ZNF516: variants seen among roughly 807,000 people sequenced by gnomAD.
ZNF516 encodes the protein zinc finger protein 516.
A neutral mutation model predicts 79.7 loss-of-function variants in ZNF516; 19 were observed. The observed-to-expected ratio is 0.24, with a 90% CI of 0.17 to 0.35. The LOEUF (loss-of-function observed/expected upper bound fraction) is 0.35, where lower values mean the gene tolerates loss of function less well. ZNF516 is among the 10% of genes least tolerant of loss of function. ZNF516 has a pLI of 1.00. For synonymous variants in ZNF516, 877 were observed against 739.5 expected (o/e 1.19, Z -3.02); for missense variants, 1,678 against 1,679.5 (o/e 1.00, Z 0.02).
chr18:76,389,170 T>C (rs2075033737), intron 3 of ZNF516: 1 of 151,622 alleles, frequency 6.6e-6, no homozygotes, highest in Non-Finnish European at 1.5e-5. Context: ...GCCTTGCAGG[T>C]GGCATCTGAG....
intron 3 of ZNF516, among the ~76,000 whole-genome samples, chr18:76,433,570 G>A (rs1179558912): frequency 1.3e-5 from 2 of 152,182 alleles, no homozygotes; most frequent in African/African-American, 4.8e-5. Flanking sequence ...AGGAGACATG[G>A]GAGCCTTGAG....
rs545922914 is a variant in ZNF516, at chr18:76,443,228, A to T, written c.-157-17T>A. On this transcript the variant is annotated splice_polypyrimidine_tract_variant and intron_variant, in intron 2 of 6. Coordinates refer to ENST00000443185, the MANE Select transcript of ZNF516 (RefSeq NM_014643.4). ...AGCCAGCACCTGAAACAGAGATGGA[A>T]CATCATCAGCAAAGCTCCTGGCTAA... The T allele has an allele frequency of 1.0e-6, 1 of 981,664 alleles. No homozygotes were observed. Among genetic ancestry groups the T allele is most frequent in the Non-Finnish European group, 1.4e-6 (1 of 696,256 alleles). The allele number at this position is 981,664 out of a possible 1,614,324, so 60.8% of individuals were successfully genotyped here.
rs748236450 is a variant in ZNF516, at chr18:76,370,581, C to A, written c.3379G>T (p.Asp1127Tyr). 1.2e-6 allele frequency: 2 copies of A among 1,603,430 alleles called. No homozygotes were observed. The highest frequency in any genetic ancestry group is 1.3e-5 in the African/African-American group (1 of 74,718). ...TGAACTTCAGAACCCCGAGGCCCATCGGACTCAAACACCACTGTGGGAACA... is the reference window on the plus strand; with the variant it reads ...TGAACTTCAGAACCCCGAGGCCCATAGGACTCAAACACCACTGTGGGAACA... The part of the protein sequence containing the change: ...MRAHSVVFES[D>Y]GPRGSEVHTT... The change falls in exon 6 of 7, where the codon GAT becomes TAT. Residue 1127 changes from aspartate to tyrosine, a missense_variant. Asp to Tyr is a radical substitution (Grantham distance 160). Transcript: ENST00000443185.
At chr18:76,391,132 G>T (rs894080601) in intron 3 of ZNF516, among the ~76,000 whole-genome samples, 1 of 152,102 alleles carries the variant, frequency 6.6e-6, no homozygotes, top group Non-Finnish European at 1.5e-5. Context: ...TCATTAAGGA[G>T]GGCTGCGAGA....
At position 76,362,514 on chromosome 18, in the gene ZNF516, A is replaced by G; in HGVS notation, c.3476T>C (p.Leu1159Pro). Residue 1159 changes from leucine to proline, a missense_variant, in exon 7 of 7, where the codon CTG (leucine) becomes CCG (proline). Leu to Pro is a moderately conservative substitution (Grantham distance 98, BLOSUM62 -3). Around this residue, in one of 5 missense-constraint regions of ZNF516, gnomAD observed 1,294 missense variants for 1,248.3 expected, o/e 1.04. Coordinates refer to ENST00000443185, the MANE Select transcript of ZNF516 (RefSeq NM_014643.4). Reference sequence around the variant, plus strand: ...AACACGCCTTTAGGTTCCCTTTCTCAGAGGCACTGTCTGGACGGTACCTGT... The same window carrying G: ...AACACGCCTTTAGGTTCCCTTTCTCGGAGGCACTGTCTGGACGGTACCTGT... Reference protein sequence around the residue: ...SNTGTVQTVPLRKGT With the variant: ...SNTGTVQTVPPRKGT The G allele has an allele frequency of 1.9e-6, 3 of 1,613,332 alleles. No individual in the cohort carries two copies. The highest frequency in any genetic ancestry group is 1.7e-6 in the Non-Finnish European group (2 of 1,179,350).
intron 3 of ZNF516, among the ~76,000 whole-genome samples, chr18:76,413,638 C>T (rs1300755544): frequency 6.6e-6 from 1 of 152,170 alleles, no homozygotes; most frequent in African/African-American, 2.4e-5. Flanking sequence ...CGCCCACCCC[C>T]AAATATCTGG....
intron 3 of ZNF516, among the ~76,000 whole-genome samples, chr18:76,392,832 AAGCCG>A (rs2075099678): frequency 2.4e-5 from 1 of 42,468 alleles, no homozygotes; most frequent in Non-Finnish European, 4.1e-5. Flanking sequence ...GTCAGGTGGG[AAGCCG>A]GGAAGGCAGG....
At chr18:76,413,076 C>T (rs998839465) in intron 3 of ZNF516, among the ~76,000 whole-genome samples, 1 of 152,182 alleles carries the variant, frequency 6.6e-6, no homozygotes, top group East Asian at 1.9e-4. Flanking sequence ...AAGCGGGAAG[C>T]GGAGGCAGAA....
chr18:76,463,239 G>A (rs1002173104), intron 1 of ZNF516, 98 bp from the exon 2 acceptor site: 1 of 152,232 alleles, frequency 6.6e-6, no homozygotes, highest in African/African-American at 2.4e-5. Flanking sequence ...GCCCAAGGAC[G>A]TTTTGGGGCT....
In ZNF516 at chr18:76,441,233, A is replaced by T; in HGVS notation, c.1810+12T>A. On this transcript the variant is annotated intron_variant, in intron 3 of 6. Transcript: ENST00000443185. Reference sequence around the variant, plus strand: ...ATCCCAGGACCCAGGCCACCTGGGTACACTTGCTCACCTGGTGCAGGTTCA... The same window carrying T: ...ATCCCAGGACCCAGGCCACCTGGGTTCACTTGCTCACCTGGTGCAGGTTCA... 2 of 1,606,482 alleles carry T rather than the reference A, an allele frequency of 1.2e-6. No individual in the cohort carries two copies. The highest frequency in any genetic ancestry group is 1.7e-6 in the Non-Finnish European group (2 of 1,177,512).
intron 6 of ZNF516, among the ~76,000 whole-genome samples, chr18:76,369,903 G>A (rs141557954): frequency 0.012 from 1,772 of 152,280 alleles, 20 homozygotes; most frequent in Non-Finnish European, 0.017. Context: ...GACCCGCTGC[G>A]GGCTGTGGGT....
intron 2 of ZNF516, among the ~76,000 whole-genome samples, chr18:76,445,698 T>C (rs1168708978): frequency 1.3e-5 from 2 of 152,216 alleles, no homozygotes; most frequent in African/African-American, 4.8e-5. Flanking sequence ...CTATAAAGGA[T>C]GTTAAATGTC....
intron 1 of ZNF516, among the ~76,000 whole-genome samples, chr18:76,475,870 T>C (rs1914145122): frequency 6.6e-6 from 1 of 152,266 alleles, no homozygotes; most frequent in Non-Finnish European, 1.5e-5. Context: ...AAAATGTATA[T>C]ATTTAAAGAT....
intron 4 of ZNF516, 60 bp downstream of exon 4, chr18:76,378,795 T>G: frequency 6.4e-7 from 1 of 1,560,302 alleles, no homozygotes; most frequent in East Asian, 2.3e-5. Context: ...GCCCTGGCCC[T>G]CCGGGGGTGG....
chr18:76,471,665 C>A (rs556988497), intron 1 of ZNF516, among the ~76,000 whole-genome samples: 1 of 152,298 alleles, frequency 6.6e-6, no homozygotes, highest in Non-Finnish European at 1.5e-5. Context: ...GATCCCGTCA[C>A]GCTAGATCCT....
chr18:76,494,344 T>C (rs1486432162), intron 1 of ZNF516, among the ~76,000 whole-genome samples: 4 of 134,302 alleles, frequency 3.0e-5, no homozygotes, highest in African/African-American at 8.3e-5. Context: ...TCTTCCTTCA[T>C]ACACCCGGGT....
At position 76,437,193 on chromosome 18, in the gene ZNF516, G is replaced by A. The variant is rs797022349; in HGVS notation, c.1810+4052C>T. On this transcript the variant is annotated intron_variant, in intron 3 of 6. Transcript: ENST00000443185. ...AGTTGTTGAACCTCTGTGCCCAGCC[G>A]CATGACTGCAGCCTGGCCTTCCTCA... 2.2e-4 allele frequency among the ~76,000 whole-genome samples: 34 copies of A among 152,110 alleles called. No individual in the cohort carries two copies. In the South Asian group the frequency reaches 3.1e-3, roughly 14 times the overall value.
chr18:76,491,196 ACGCCGCCGCGCGGACCCC>A (rs1915168614), intron 1 of ZNF516: 2 of 797,936 alleles, frequency 2.5e-6, no homozygotes, highest in Non-Finnish European at 3.0e-6. Flanking sequence ...AGCCCGGTCC[ACGCCGCCGCGCGGACCCC>A]CGCCTGCCCC....
chr18:76,390,359 C>T (rs1568252013), intron 3 of ZNF516, among the ~76,000 whole-genome samples: 3 of 152,230 alleles, frequency 2.0e-5, no homozygotes, highest in African/African-American at 7.2e-5. Context: ...TGCAGTTTCT[C>T]CAGCCCCATG....
Sources: gnomAD v4.1 joint callset for allele counts (sites outside exome capture counted in the v4.1 genomes callset) on GRCh38, gnomAD v4.1.1 for gene constraint, gnomAD v4.1.1 regional missense constraint, MANE v1.5 for transcripts, NCBI Gene and HGNC (gene_info 2026-07-23, HGNC 2026-07-21) for gene names.